The following COL22A1 variants were observed in gnomAD, a reference collection of about 807,000 sequenced individuals.
COL22A1 encodes the protein collagen alpha-1(XXII) chain.
COL22A1 carries 221 observed loss-of-function variants against 248.9 expected under a neutral mutation model. The observed-to-expected ratio is 0.89, with a 90% confidence interval of 0.80 to 0.99. COL22A1 has a LOEUF of 0.99. Ranked by LOEUF, COL22A1 falls within the 50% of genes least tolerant of loss-of-function variation. The pLI is 0.00. For missense variants in COL22A1, 2,240 were observed against 2,179.0 expected (o/e 1.03, Z -0.56); for synonymous variants, 891 against 793.4 (o/e 1.12, Z -2.07).
intron 47 of COL22A1, among the ~76,000 whole-genome samples, chr8:138,643,609 T>TATAGATAGATAG (rs57015617): frequency 0.11 from 16,673 of 146,466 alleles, 983 homozygotes; most frequent in South Asian, 0.14. Context: ...CCCTATGCAA[T>TATAGATAGATAG]ATAGATAGAT....
intron 7 of COL22A1, among the ~76,000 whole-genome samples, chr8:138,817,413 C>A (rs1174873834): frequency 3.3e-5 from 5 of 152,144 alleles, no homozygotes; most frequent in Non-Finnish European, 7.3e-5. Flanking sequence ...GGTGTTGATG[C>A]CTGCTTGATA....
chr8:138,900,998 G>A (rs966969974), intron 1 of COL22A1, among the ~76,000 whole-genome samples: 8 of 152,092 alleles, frequency 5.3e-5, no homozygotes, highest in African/African-American at 1.9e-4. Context: ...TCATTGATGA[G>A]ATTTTGTTGT....
chr8:138,673,545 G>A (rs1254708533), intron 41 of COL22A1, among the ~76,000 whole-genome samples: 2 of 152,110 alleles, frequency 1.3e-5, no homozygotes, highest in East Asian at 3.9e-4. Flanking sequence ...TTCTTTGAGG[G>A]ATCTCACAGA....
At chr8:138,603,255 T>C (rs1676825860) in intron 59 of COL22A1, among the ~76,000 whole-genome samples, 1 of 152,282 alleles carries the variant, frequency 6.6e-6, no homozygotes, top group Non-Finnish European at 1.5e-5. Context: ...GCGGTGGGCA[T>C]GAGTTGATTC....
chr8:138,869,379 T>G (rs1823143305), intron 3 of COL22A1, among the ~76,000 whole-genome samples: 1 of 152,346 alleles, frequency 6.6e-6, no homozygotes, highest in South Asian at 2.1e-4. Flanking sequence ...AAAGGAGACC[T>G]GTACCATTGA....
chr8:138,806,033 T>TGATG (rs1817612559), intron 10 of COL22A1, among the ~76,000 whole-genome samples: 3 of 23,578 alleles, frequency 1.3e-4, no homozygotes, highest in African/African-American at 3.8e-4. Flanking sequence ...TGTGTGGTTG[T>TGATG]GTGTGTGATG....
chr8:138,623,147 G>T (rs1282519928), intron 52 of COL22A1, among the ~76,000 whole-genome samples: 2 of 150,842 alleles, frequency 1.3e-5, no homozygotes, highest in Non-Finnish European at 2.9e-5. Flanking sequence ...CCATCTCATT[G>T]TGTGCCCCTG....
At chr8:138,637,083 A>T (rs946075459) in intron 47 of COL22A1, among the ~76,000 whole-genome samples, 2 of 152,144 alleles carry the variant, frequency 1.3e-5, no homozygotes, top group Non-Finnish European at 2.9e-5. Flanking sequence ...CTTGCATGTC[A>T]ACATCTGATG....
At chr8:138,769,740 T>A (rs545231149) in intron 16 of COL22A1, among the ~76,000 whole-genome samples, 2 of 152,262 alleles carry the variant, frequency 1.3e-5, no homozygotes, top group African/African-American at 4.8e-5. Context: ...AGTAAATACT[T>A]ATCACAGTCA....
chr8:138,900,061 C>CA (rs1329794608), intron 1 of COL22A1, among the ~76,000 whole-genome samples: 1 of 152,062 alleles, frequency 6.6e-6, no homozygotes. Context: ...AAGGGGCTAG[C>CA]AAAACATTTA....
intron 16 of COL22A1, among the ~76,000 whole-genome samples, chr8:138,770,851 G>A (rs1434334595): frequency 1.3e-5 from 2 of 152,092 alleles, no homozygotes; most frequent in African/African-American, 4.8e-5. Context: ...AGAGGTGCGG[G>A]CTCATCCTCA....
At chr8:138,684,321 T>C (rs773261200) in intron 39 of COL22A1, 104 bp downstream of exon 39, 22 of 800,068 alleles carry the variant, frequency 2.7e-5, no homozygotes, top group Non-Finnish European at 5.0e-5. Context: ...CTGAGAAACA[T>C]GGAAGTGGAC....
chr8:138,863,909 A>G (rs963626156), intron 3 of COL22A1, among the ~76,000 whole-genome samples: 7 of 152,220 alleles, frequency 4.6e-5, no homozygotes, highest in African/African-American at 1.7e-4. Context: ...AACAGTGGAA[A>G]AGGGTTTCCG....
intron 17 of COL22A1, 32 bp from the exon 18 acceptor site, chr8:138,760,319 T>A: frequency 6.3e-7 from 1 of 1,589,012 alleles, no homozygotes. Context: ...CAGATTATGA[T>A]GGGCACTACG....
intron 41 of COL22A1, among the ~76,000 whole-genome samples, chr8:138,675,972 T>C (rs1334789590): frequency 4.6e-5 from 7 of 152,190 alleles, no homozygotes; most frequent in Non-Finnish European, 8.8e-5. Flanking sequence ...GCCGAAGATA[T>C]TGATAGCAAT....
intron 3 of COL22A1, among the ~76,000 whole-genome samples, chr8:138,862,462 C>T (rs946731793): frequency 2.0e-4 from 30 of 152,100 alleles, no homozygotes; most frequent in Admixed American, 1.3e-3. Context: ...TTCCTCCACC[C>T]GGAGTGCCCT....
intron 30 of COL22A1, among the ~76,000 whole-genome samples, chr8:138,705,837 A>G (rs1828382913): frequency 1.3e-5 from 2 of 152,226 alleles, no homozygotes; most frequent in Non-Finnish European, 2.9e-5. Flanking sequence ...ACAGACTGGC[A>G]AATTGGATAA....
chr8:138,738,838 G>A (rs1831329079), intron 22 of COL22A1, among the ~76,000 whole-genome samples: 1 of 152,124 alleles, frequency 6.6e-6, no homozygotes, highest in African/African-American at 2.4e-5. Context: ...CAGCAACTCT[G>A]GCCCTCTTCT....
chr8:138,849,758 G>A (rs1165231213), intron 3 of COL22A1, among the ~76,000 whole-genome samples: 4 of 152,196 alleles, frequency 2.6e-5, no homozygotes, highest in Non-Finnish European at 5.9e-5. Context: ...GGAAGCCAAG[G>A]CTCAGAGAGG....
Sources: gnomAD v4.1 joint callset for allele counts (sites outside exome capture counted in the v4.1 genomes callset) on GRCh38, gnomAD v4.1.1 for gene constraint, MANE v1.5 for transcripts, NCBI Gene and HGNC (gene_info 2026-07-23, HGNC 2026-07-21) for gene names.